Variants in MYO16 observed in about 807,000 individuals in gnomAD.
The protein encoded by MYO16 is myosin XVI, also known as unconventional myosin-XVI.
MYO16 carries 94 observed loss-of-function variants against 205.3 expected under a neutral mutation model. That is an observed-to-expected ratio of 0.46 (90% CI 0.39 to 0.54). The LOEUF is 0.54. MYO16 is among the 20% of genes least tolerant of loss of function. The pLI, the probability that MYO16 is intolerant of heterozygous loss-of-function variation, is 0.00. For missense variants in MYO16, 2,315 were observed against 2,387.5 expected (o/e 0.97, Z 0.63); for synonymous variants, 988 against 954.0 (o/e 1.04, Z -0.66).
rs1374683997 is a variant in MYO16 at position 108,988,612 on chromosome 13, A to G, written c.2370-3764A>G. 5.3e-5 allele frequency among the ~76,000 whole-genome samples: 8 copies of G among 152,150 alleles called. No homozygotes were observed. In the East Asian group the frequency reaches 1.5e-3, roughly 29 times the overall value. ...ATGATTTTGCCCACCCACACATGCC[A>G]CAGTGGCCAAATAATCTCTTCTCTG... On this transcript the variant is annotated intron_variant, in intron 20 of 34. Coordinates refer to ENST00000457511, the MANE Select transcript of MYO16 (RefSeq NM_001198950.3).
At chr13:108,824,499 TATGGCTA>T (rs1876150958) in intron 9 of MYO16, among the ~76,000 whole-genome samples, 2 of 152,062 alleles carry the variant, frequency 1.3e-5, no homozygotes, top group Admixed American at 1.3e-4. Context: ...AGCTTTGCCT[TATGGCTA>T]ATATTTAGTT....
chr13:109,043,040 G>A (rs12429146), intron 23 of MYO16, among the ~76,000 whole-genome samples: 5,073 of 152,196 alleles, frequency 0.033, 129 homozygotes, highest in South Asian at 0.058. Context: ...AGATATCCAC[G>A]TAAACCGGGT....
At chr13:108,536,237 G>A in the MYO16 span, among the ~76,000 whole-genome samples, 2 of 152,146 alleles carry the variant, frequency 1.3e-5, no homozygotes, top group Admixed American at 6.6e-5. Flanking sequence ...CAGTTTTGAT[G>A]TAATCTCTTT....
At chr13:108,849,720 T>A in intron 10 of MYO16, among the ~76,000 whole-genome samples, 1 of 149,578 alleles carries the variant, frequency 6.7e-6, no homozygotes, top group East Asian at 2.0e-4. Flanking sequence ...CAAATCCTGT[T>A]GAATTTCCTC....
chr13:108,532,702 C>A, the MYO16 span, among the ~76,000 whole-genome samples: 14 of 151,964 alleles, frequency 9.2e-5, no homozygotes, highest in Non-Finnish European at 2.1e-4. Context: ...GGGGCAGGAG[C>A]ATCACTTAAA....
intron 4 of MYO16, among the ~76,000 whole-genome samples, chr13:108,732,268 T>A (rs1566576602): frequency 6.6e-6 from 1 of 151,970 alleles, no homozygotes; most frequent in Non-Finnish European, 1.5e-5. Flanking sequence ...CTCAAGGGAG[T>A]CAGCAGTGAG....
intron 4 of MYO16, among the ~76,000 whole-genome samples, chr13:108,731,904 C>T (rs1289961403): frequency 6.6e-6 from 1 of 152,120 alleles, no homozygotes; most frequent in Admixed American, 6.6e-5. Flanking sequence ...TGAAAACAAA[C>T]AATGCAATTA....
chr13:109,025,690 C>A lies in MYO16; in HGVS notation c.2796+5779C>A, dbSNP rs1261516183. Among the ~76,000 whole-genome samples, 5 of 152,054 alleles carry A rather than the reference C, an allele frequency of 3.3e-5. No individual in the cohort carries two copies. In the East Asian group the frequency reaches 9.6e-4, roughly 29 times the overall value. On this transcript the variant is annotated intron_variant, in intron 23 of 34. Coordinates refer to ENST00000457511, the MANE Select transcript of MYO16 (RefSeq NM_001198950.3). ...TTTATTGGCTATTAAAATTAAGAAT[C>A]TTGAAAGAAGAAAGAATTATGGGTT...
intron 16 of MYO16, among the ~76,000 whole-genome samples, chr13:108,911,667 G>C (rs1412231553): frequency 6.6e-6 from 1 of 152,220 alleles, no homozygotes; most frequent in Non-Finnish European, 1.5e-5. Context: ...GTATGCAAGA[G>C]AATTGGTTTT....
intron 3 of MYO16, among the ~76,000 whole-genome samples, chr13:108,722,406 T>G (rs1471461477): frequency 6.6e-6 from 1 of 152,196 alleles, no homozygotes; most frequent in Non-Finnish European, 1.5e-5. Context: ...CACACTCTTT[T>G]CAGACAAGAG....
intron 19 of MYO16, 99 bp downstream of exon 19, chr13:108,962,594 G>A: frequency 1.2e-6 from 1 of 843,034 alleles, no homozygotes. Context: ...CTATTTCTAT[G>A]AATTGAATGC....
chr13:108,769,119 A>G (rs989298238), intron 4 of MYO16, among the ~76,000 whole-genome samples: 4 of 152,252 alleles, frequency 2.6e-5, no homozygotes, highest in African/African-American at 7.2e-5. Context: ...GTTAGTAAAC[A>G]TATGTGTGTT....
chr13:108,619,661 G>A (rs926007949), intron 1 of MYO16, among the ~76,000 whole-genome samples: 2 of 152,122 alleles, frequency 1.3e-5, no homozygotes, highest in Admixed American at 6.5e-5. Context: ...GAAGAAAGGG[G>A]AAGGGACTGA....
At chr13:108,794,876 C>A (rs1260701799) in intron 6 of MYO16, among the ~76,000 whole-genome samples, 1 of 152,024 alleles carries the variant, frequency 6.6e-6, no homozygotes, top group Non-Finnish European at 1.5e-5. Context: ...ATGAAAAAAA[C>A]ATGGTGTGAG....
At chr13:108,568,884 C>T in the MYO16 span, among the ~76,000 whole-genome samples, 1 of 151,888 alleles carries the variant, frequency 6.6e-6, no homozygotes, top group Non-Finnish European at 1.5e-5. Context: ...CAACTTTCTC[C>T]TTGTACATAT....
chr13:108,914,913 G>A (rs950568754), intron 16 of MYO16, among the ~76,000 whole-genome samples: 11 of 152,180 alleles, frequency 7.2e-5, no homozygotes, highest in Non-Finnish European at 2.9e-5. Flanking sequence ...AAAGTGCTGG[G>A]ATCACAAGCA....
the MYO16 span, among the ~76,000 whole-genome samples, chr13:108,559,637 C>T: frequency 2.0e-5 from 3 of 151,714 alleles, no homozygotes; most frequent in Non-Finnish European, 2.9e-5. Flanking sequence ...CCACGCCCGG[C>T]TAATTTTTTG....
chr13:108,697,707 C>T (rs1883142221), intron 2 of MYO16, among the ~76,000 whole-genome samples: 1 of 151,858 alleles, frequency 6.6e-6, no homozygotes, highest in Non-Finnish European at 1.5e-5. Flanking sequence ...ATGTGTATTA[C>T]TCTTTTTCTT....
At chr13:108,730,305 A>G (rs1884480473) in intron 4 of MYO16, among the ~76,000 whole-genome samples, 1 of 152,182 alleles carries the variant, frequency 6.6e-6, no homozygotes, top group African/African-American at 2.4e-5. Context: ...GTCTTCCACC[A>G]TGATTGTAAG....
Sources: allele counts gnomAD v4.1 joint callset (sites outside exome capture counted in the v4.1 genomes callset), GRCh38; gene constraint gnomAD v4.1.1; transcripts MANE v1.5; gene names NCBI Gene and HGNC (gene_info 2026-07-23, HGNC 2026-07-21).